The following KRI1 variants were observed in gnomAD, a reference collection of about 807,000 sequenced individuals.
KRI1 encodes KRI1 homolog, also known as protein KRI1 homolog.
In KRI1, 83 loss-of-function variants were observed where a neutral mutation model predicts 97.0. The observed-to-expected ratio is 0.86, with a 90% CI of 0.72 to 1.03. The LOEUF is 1.03. Among genes scored for constraint, KRI1 ranks in the 50% least tolerant of loss-of-function variants. The probability of loss-of-function intolerance (pLI) is 0.00; values close to 1 mark genes in which losing one functional copy is unlikely to be tolerated. For missense variants in KRI1, 916 were observed against 928.4 expected, an observed-to-expected ratio of 0.99 and a Z score of 0.17; for synonymous variants, 371 against 363.5, an observed-to-expected ratio of 1.02 and a Z score of -0.23.
chr19:10,565,109 A>T, intron 2 of KRI1, 75 bp from the exon 3 acceptor site: 1 of 966,800 alleles, frequency 1.0e-6, no homozygotes, highest in Non-Finnish European at 1.7e-6. Context: ...AGGTGAGCTC[A>T]GCGTAGGGAT....
In KRI1 at chr19:10,562,681, C is replaced by G. The variant is rs773715101; in HGVS notation, c.383+48G>C. The stretch of plus-strand genomic sequence containing the variant: ...TCCTGCCCCTAAGACCCCCATAGAC[C>G]TGACAGGGCTGGGAACCAGGGGGTG... On this transcript the variant is annotated intron_variant, in intron 4 of 18. Coordinates refer to ENST00000312962, the MANE Select transcript of KRI1 (RefSeq NM_023008.5). 1.6e-5 allele frequency: 18 copies of G among 1,143,178 alleles called. No individual in the cohort carries two copies. The Admixed American group carries it at 1.9e-4, about 12-fold the overall frequency. 70.8% of individuals were successfully genotyped at this position (1,143,178 alleles called of 1,614,324 possible).
intron 6 of KRI1, 82 bp downstream of exon 6, chr19:10,561,585 G>A (rs1205779686): frequency 1.5e-6 from 2 of 1,311,686 alleles, no homozygotes; most frequent in Non-Finnish European, 2.2e-6. Flanking sequence ...GAAAGTGACA[G>A]AGCTCAATTT....
chr19:10,559,679 G>A lies in KRI1; in HGVS notation c.957C>T (p.Ser319=). The change falls in exon 11 of 19, where the codon TCC becomes TCT. Residue 319 remains serine (S), a synonymous_variant. Transcript: ENST00000312962. ...SVKTYPRSIA[S]SVRRKDERRK... is the part of the protein sequence containing the mutation. ...TGCGCTCATCCTTACGGCGCACGGA[G>A]GACGCGATGCTGCGTGGGTAGGTCT... 6.2e-7 allele frequency: 1 copy of A among 1,614,034 alleles called. No individual in the cohort carries two copies. Among genetic ancestry groups the A allele is most frequent in the Non-Finnish European group, 8.5e-7 (1 of 1,180,016 alleles).
rs1474048199 is a variant in KRI1 at position 10,565,887 on chromosome 19, G to T, written c.94+19C>A. 2.6e-6 allele frequency: 4 copies of T among 1,531,722 alleles called. No homozygotes were observed. Among genetic ancestry groups the T allele is most frequent in the Non-Finnish European group, 3.5e-6 (4 of 1,138,880 alleles). 94.9% of individuals were successfully genotyped at this position (1,531,722 alleles called of 1,614,324 possible). On this transcript the variant is annotated intron_variant, in intron 1 of 18. Coordinates refer to ENST00000312962, the MANE Select transcript of KRI1 (RefSeq NM_023008.5). Reference sequence around the variant, plus strand: ...GGCCGGCGCGCGCAGGCTCCCGCGCGCATGCGCCCCGCACTCACGCCGCTG... The same window carrying T: ...GGCCGGCGCGCGCAGGCTCCCGCGCTCATGCGCCCCGCACTCACGCCGCTG...
chr19:10,561,594 T>C (rs1916699671), intron 6 of KRI1, 73 bp downstream of exon 6: 1 of 1,429,462 alleles, frequency 7.0e-7, no homozygotes, highest in Non-Finnish European at 9.9e-7. Context: ...AGAGCTCAAT[T>C]TGAACCCGTG....
chr19:10,562,209 C>G (rs1039872053), intron 4 of KRI1, among the ~76,000 whole-genome samples: 1 of 151,986 alleles, frequency 6.6e-6, no homozygotes, highest in Non-Finnish European at 1.5e-5. Context: ...ACCACCACAT[C>G]TGGCTAATTT....
intron 12 of KRI1, 58 bp from the exon 13 acceptor site, chr19:10,558,297 C>T: frequency 6.5e-7 from 1 of 1,540,018 alleles, no homozygotes; most frequent in Non-Finnish European, 9.0e-7. Flanking sequence ...AGCTGAGCCC[C>T]CTACGATGCC....
chr19:10,558,750 T>C (rs1454229172), intron 12 of KRI1, among the ~76,000 whole-genome samples: 2 of 151,668 alleles, frequency 1.3e-5, no homozygotes, highest in Non-Finnish European at 2.9e-5. Flanking sequence ...CAGTAGCCCA[T>C]GCTGGAGTAC....
chr19:10,564,816 G>A, intron 3 of KRI1, 113 bp downstream of exon 3: 2 of 768,016 alleles, frequency 2.6e-6, no homozygotes, highest in Non-Finnish European at 4.7e-6. Context: ...ATACTTTACA[G>A]ACAGGAAAAG....
At chr19:10,564,643 GAC>G (rs113498939) in intron 3 of KRI1, among the ~76,000 whole-genome samples, 6 of 152,112 alleles carry the variant, frequency 3.9e-5, no homozygotes, top group African/African-American at 9.7e-5. Flanking sequence ...TAGTGCCAAG[GAC>G]ACAGTCATTA....
chr19:10,557,114 TTTC>T (rs1916525737), intron 16 of KRI1, among the ~76,000 whole-genome samples: 1 of 143,194 alleles, frequency 7.0e-6, no homozygotes, highest in African/African-American at 2.5e-5. Flanking sequence ...ACTATTAGCA[TTTC>T]TTTTTTTTTT....
At chr19:10,555,010 A>C (rs1916453008) in intron 18 of KRI1, 77 bp downstream of exon 18, 1 of 1,207,664 alleles carries the variant, frequency 8.3e-7, no homozygotes, top group Non-Finnish European at 1.2e-6. Flanking sequence ...TCATGCAACA[A>C]GAGGTTGACG....
At position 10,553,577 on chromosome 19, in the gene KRI1, T is replaced by TTTA. The variant is rs1916384464; in HGVS notation, c.*373_*374insTAA. ...CCCACAGCTACACGTGTTTTTTAAT[T>TTTA]TTTTTTTTTTTTTCAAGAGACAGGG... On this transcript the variant is annotated 3_prime_UTR_variant, in exon 19 of 19. Coordinates refer to ENST00000312962, the MANE Select transcript of KRI1 (RefSeq NM_023008.5). The TTTA allele has an allele frequency of 5.5e-6, 1 of 182,100 alleles. No homozygotes were observed. The highest frequency in any genetic ancestry group is 1.1e-5 in the Non-Finnish European group (1 of 88,556). The allele number at this position is 182,100 out of a possible 1,614,324, so 11.3% of individuals were successfully genotyped here. A position where few individuals can be genotyped will look rare whatever the true frequency, so the allele number is the denominator to read the frequency against.
intron 7 of KRI1, 40 bp from the exon 8 acceptor site, chr19:10,561,120 C>T (rs767560599): frequency 3.7e-6 from 6 of 1,610,454 alleles, no homozygotes; most frequent in African/African-American, 1.3e-5. Context: ...AGATGCCCAG[C>T]CACCCGCCAC....
rs768559330 is a variant in KRI1, at chr19:10,565,039, G to T, written c.169-5C>A. The T allele has an allele frequency of 1.1e-5, 17 of 1,581,432 alleles. No individual in the cohort carries two copies. Among genetic ancestry groups the T allele is most frequent in the Non-Finnish European group, 1.1e-5 (13 of 1,150,366 alleles). ...CTCCTGCTGGGGATCAAATTCCTAG[G>T]GCAGGAAAAGGGTTGGGGATAGATT... On this transcript the variant is annotated splice_polypyrimidine_tract_variant and splice_region_variant and intron_variant, in intron 2 of 18. Coordinates refer to ENST00000312962, the MANE Select transcript of KRI1 (RefSeq NM_023008.5).
At chr19:10,565,645 C>T in intron 2 of KRI1, 72 bp downstream of exon 2, 1 of 1,488,674 alleles carries the variant, frequency 6.7e-7, no homozygotes, top group African/African-American at 1.4e-5. Flanking sequence ...TCCCCCCCGT[C>T]TACATCGGGG....
At chr19:10,557,917 A>G (rs778047468) in intron 14 of KRI1, 22 bp from the exon 15 acceptor site, 1 of 1,613,650 alleles carries the variant, frequency 6.2e-7, no homozygotes, top group Admixed American at 1.7e-5. Flanking sequence ...CACAGGTCAG[A>G]TCCCACCAGC....
Position 10,561,861 on chromosome 19 carries a change from G to A in KRI1, c.384-16C>T. On this transcript the variant is annotated splice_polypyrimidine_tract_variant and intron_variant, in intron 4 of 18. Transcript: ENST00000312962. ...AACATATTTGCTGTAAAGGAAAAGT[G>A]GGGTCTTCAGAATATATCTTCCAGG... 6.2e-7 allele frequency: 1 copy of A among 1,612,960 alleles called. No individual in the cohort carries two copies. The highest frequency in any genetic ancestry group is 8.5e-7 in the Non-Finnish European group (1 of 1,179,094).
At position 10,555,350 on chromosome 19, in the gene KRI1, C is replaced by G. The variant is rs770035187; in HGVS notation, c.1618-1G>C. On this transcript the variant is annotated splice_acceptor_variant, in intron 16 of 18. Transcript: ENST00000312962. LOFTEE classifies it high-confidence loss of function. ...GCTCCTTATCGTCAGCAGCGAGGAT[C>G]TGCGTGGGAAGGGAGAGTGGGGACC... is the stretch of plus-strand genomic sequence containing the variant. 1 of 1,608,520 alleles carries G rather than the reference C, an allele frequency of 6.2e-7. No homozygotes were observed. The highest frequency in any genetic ancestry group is 1.1e-5 in the South Asian group (1 of 90,860).
Sources: gnomAD v4.1 joint callset for allele counts (sites outside exome capture counted in the v4.1 genomes callset) on GRCh38, gnomAD v4.1.1 for gene constraint, MANE v1.5 for transcripts, NCBI Gene and HGNC (gene_info 2026-07-23, HGNC 2026-07-21) for gene names.